The following TUBGCP6 variants were observed in gnomAD, a reference collection of about 807,000 sequenced individuals.
TUBGCP6 encodes tubulin gamma complex component 6.
In TUBGCP6, 161 loss-of-function variants were observed where a neutral mutation model predicts 175.8. That is an observed-to-expected ratio of 0.92 (90% CI 0.81 to 1.04). The LOEUF is 1.04. Among genes scored for constraint, TUBGCP6 ranks in the 50% least tolerant of loss-of-function variants. The pLI is 0.00. For missense variants in TUBGCP6, 2,572 were observed against 2,433.0 expected (o/e 1.06, Z -1.20); for synonymous variants, 1,173 against 1,030.5 (o/e 1.14, Z -2.65).
chr22:50,221,369 G>A lies in TUBGCP6; in HGVS notation c.2990C>T (p.Ser997Phe). Reference protein sequence around the residue: ...DSCGKMDACGSASRETLLPSH... With the variant: ...DSCGKMDACGFASRETLLPSH... ...GGGGAGCAGAGTCTCCCGCGAGGCG[G>A]AGCCACAGGCATCCATCTTCCCACA... is the stretch of plus-strand genomic sequence containing the variant. The change falls in exon 16 of 25, where the codon TCC becomes TTC. Residue 997 changes from serine to phenylalanine, a missense_variant. Physicochemically the swap from Ser to Phe is radical, Grantham distance 155. Coordinates refer to ENST00000248846, the MANE Select transcript of TUBGCP6 (RefSeq NM_020461.4). The A allele has an allele frequency of 6.2e-7, 1 of 1,610,658 alleles. No individual in the cohort carries two copies.
chr22:50,224,080 G>T, intron 13 of TUBGCP6, 61 bp downstream of exon 13: 1 of 1,446,822 alleles, frequency 6.9e-7, no homozygotes, highest in Non-Finnish European at 9.6e-7. Context: ...GTAAGATTAA[G>T]CCAGAGCTAT....
intron 2 of TUBGCP6, among the ~76,000 whole-genome samples, chr22:50,237,269 T>G (rs73187275): frequency 0.031 from 4,702 of 152,306 alleles, 97 homozygotes; most frequent in Non-Finnish European, 0.045. Context: ...AGGGTTGATG[T>G]CTTGGAGAGT....
chr22:50,233,945 G>A lies in TUBGCP6; in HGVS notation c.906-419C>T, dbSNP rs2064726828. ...ACAACAGCATCTACACCCTGTCCAT[G>A]GCAGCATCCACACCCAGGTCCATGG... On this transcript the variant is annotated intron_variant, in intron 2 of 24. Transcript: ENST00000248846. 2.0e-5 allele frequency among the ~76,000 whole-genome samples: 3 copies of A among 151,908 alleles called. No individual in the cohort carries two copies. In the South Asian group the frequency reaches 6.2e-4, roughly 32 times the overall value.
chr22:50,219,748 GCCT>G lies in TUBGCP6; in HGVS notation c.4208_4210del (p.Glu1403del), dbSNP rs2064484534. On this transcript the variant is annotated inframe_deletion, in exon 18 of 25. Coordinates refer to ENST00000248846, the MANE Select transcript of TUBGCP6 (RefSeq NM_020461.4). ...CTGAGCCTCCGCCGCCGATGCCTCC[GCCT>G]CCTCACCACGGCCTGGGCTGCTCTG... is the stretch of plus-strand genomic sequence containing the variant. The G allele has an allele frequency of 1.2e-6, 2 of 1,613,610 alleles. No individual in the cohort carries two copies. Among genetic ancestry groups the G allele is most frequent in the African/African-American group, 1.3e-5 (1 of 74,928 alleles).
intron 14 of TUBGCP6, 129 bp downstream of exon 14, chr22:50,222,325 T>G (rs1272131906): frequency 7.2e-7 from 1 of 1,397,254 alleles, no homozygotes; most frequent in Non-Finnish European, 9.8e-7. Flanking sequence ...GGAGAGAGAG[T>G]GCTCTGCCGC....
chr22:50,219,363 G>C lies in TUBGCP6; in HGVS notation c.4409C>G (p.Thr1470Ser), dbSNP rs2064475122. The C allele has an allele frequency of 6.3e-7, 1 of 1,587,964 alleles. No homozygotes were observed. Among genetic ancestry groups the C allele is most frequent in the East Asian group, 2.3e-5 (1 of 44,020 alleles). ...CAGCAACTCGCTCAGCTGCACAGCA[G>C]TCTCATCAGCGGCAGACTGGACCTG... ...DPQVQSAADE[T>S]AVQLSELLTL... Residue 1470 changes from threonine to serine, a missense_variant, in exon 19 of 25, where the codon ACT (threonine) becomes AGT (serine). Transcript: ENST00000248846.
intron 4 of TUBGCP6, among the ~76,000 whole-genome samples, chr22:50,228,943 T>C (rs1230897074): frequency 6.6e-6 from 1 of 152,126 alleles, no homozygotes; most frequent in East Asian, 1.9e-4. Context: ...CCCTGTCCCA[T>C]GGGCCTCTTC....
At chr22:50,232,379 AAAAAGAAAAAGAAAAAG>A (rs2064704988) in intron 3 of TUBGCP6, among the ~76,000 whole-genome samples, 1 of 11,558 alleles carries the variant, frequency 8.7e-5, no homozygotes, top group East Asian at 3.6e-3. Context: ...AAAAAAAAAG[AAAAAGAAAAAGAAAAAG>A]AAAAGAAAAA....
In TUBGCP6 at chr22:50,224,394, A is replaced by G. The variant is rs1212136965; in HGVS notation, c.2092T>C (p.Leu698=). The G allele has an allele frequency of 6.2e-7, 1 of 1,614,046 alleles. No individual in the cohort carries two copies. Among genetic ancestry groups the G allele is most frequent in the Non-Finnish European group, 8.5e-7 (1 of 1,180,020 alleles). ...AACTGCTCACGCTTCCGGGCATCCA[A>G]GGCCATCCGTTCTGACATCTGCCGG... ...SDRQMSERMA[L]DARKREQFQR... The change falls in exon 12 of 25, where the codon TTG becomes CTG. Residue 698 remains leucine (L), a synonymous_variant. Coordinates refer to ENST00000248846, the MANE Select transcript of TUBGCP6 (RefSeq NM_020461.4).
rs751346612 is a variant in TUBGCP6, at chr22:50,220,457, G to A, written c.3902C>T (p.Thr1301Met). 1.8e-5 allele frequency: 29 copies of A among 1,612,620 alleles called. No homozygotes were observed. The Middle Eastern group carries it at 4.9e-4, about 27-fold the overall frequency. ...PRPQQSPPGHTSQSALSLGAQ... is the reference protein window; with the variant it reads ...PRPQQSPPGHMSQSALSLGAQ... ...TCCCAGGCTGAGCGCTGACTGGGAC[G>A]TGTGGCCAGGGGGGCTCTGTTGGGG... Residue 1301 changes from threonine (T) to methionine (M), a missense_variant, in exon 16 of 25, where the codon ACG becomes ATG. By Grantham distance (81) the Thr-to-Met change is moderately conservative. Transcript: ENST00000248846.
At chr22:50,239,114 A>G (rs1314961562) in intron 2 of TUBGCP6, among the ~76,000 whole-genome samples, 1 of 152,236 alleles carries the variant, frequency 6.6e-6, no homozygotes, top group African/African-American at 2.4e-5. Flanking sequence ...CAGGATCACC[A>G]GTGGACTGGA....
rs374811995 is a variant in TUBGCP6, at chr22:50,217,725, G to C, written c.*11C>G. 9 of 1,613,002 alleles carry C rather than the reference G, an allele frequency of 5.6e-6. No individual in the cohort carries two copies. The Admixed American group carries it at 6.7e-5, about 12-fold the overall frequency. On this transcript the variant is annotated 3_prime_UTR_variant, in exon 25 of 25. Coordinates refer to ENST00000248846, the MANE Select transcript of TUBGCP6 (RefSeq NM_020461.4). ...AACACCTTTATTGTGCACGTCCCCC[G>C]CAGAGCAGCCTCAGGCGTCCTGGTA...
At position 50,220,771 on chromosome 22, in the gene TUBGCP6, G is replaced by C. The variant is rs1429868002; in HGVS notation, c.3588C>G (p.Ile1196Met). The change falls in exon 16 of 25, where the codon ATC becomes ATG. Residue 1196 changes from isoleucine to methionine, a missense_variant. Coordinates refer to ENST00000248846, the MANE Select transcript of TUBGCP6 (RefSeq NM_020461.4). ...TGTCTGACACAGACTCCCCCAAGCTGATGCTGGCATCAGACACGTGTCCAT... is the reference window on the plus strand; with the variant it reads ...TGTCTGACACAGACTCCCCCAAGCTCATGCTGGCATCAGACACGTGTCCAT... Reference protein sequence around the residue: ...NTHGHVSDASISLGESVSDMA... With the variant: ...NTHGHVSDASMSLGESVSDMA... The C allele has an allele frequency of 1.2e-6, 2 of 1,603,362 alleles. No individual in the cohort carries two copies. The highest frequency in any genetic ancestry group is 1.7e-6 in the Non-Finnish European group (2 of 1,177,024).
chr22:50,243,357 G>A (rs759388582), intron 1 of TUBGCP6, among the ~76,000 whole-genome samples: 30 of 151,884 alleles, frequency 2.0e-4, no homozygotes, highest in Non-Finnish European at 2.6e-4. Flanking sequence ...GGAGGCTGAG[G>A]TAGGAGAATC....
chr22:50,226,654 GTGTC>G (rs1318042771), intron 7 of TUBGCP6, 75 bp downstream of exon 7: 2 of 1,238,342 alleles, frequency 1.6e-6, no homozygotes, highest in African/African-American at 3.0e-5. Context: ...CATTCAGCAG[GTGTC>G]TGACAAGGGA....
intron 3 of TUBGCP6, among the ~76,000 whole-genome samples, chr22:50,231,166 G>A (rs900867377): frequency 6.8e-6 from 1 of 147,426 alleles, no homozygotes; most frequent in African/African-American, 2.5e-5. Context: ...AATAAATACA[G>A]AGTAGGCCAA....
In TUBGCP6 at chr22:50,219,230, TCAGGGCGGGC is replaced by T. The variant is rs778984429; in HGVS notation, c.4485-31_4485-22del. 122 of 1,610,610 alleles carry T rather than the reference TCAGGGCGGGC, an allele frequency of 7.6e-5. No individual in the cohort carries two copies. The East Asian group carries it at 8.7e-4, about 11-fold the overall frequency. ...AGATGCTGGCAGGAGGGAGCTGGAG[TCAGGGCGGGC>T]CAGGACGGGCTGGGTGGGCAGACTG... is the stretch of plus-strand genomic sequence containing the variant. On this transcript the variant is annotated intron_variant, in intron 19 of 24. Coordinates refer to ENST00000248846, the MANE Select transcript of TUBGCP6 (RefSeq NM_020461.4).
chr22:50,229,600 G>A (rs559667983), intron 3 of TUBGCP6, 23 bp from the exon 4 acceptor site: 3 of 1,564,234 alleles, frequency 1.9e-6, no homozygotes, highest in Non-Finnish European at 1.7e-6. Context: ...AGAGGACACT[G>A]GTCACAGAGG....
rs2064437980 is a variant in TUBGCP6, at chr22:50,217,719, T to C, written c.*17A>G. The C allele has an allele frequency of 1.9e-6, 3 of 1,611,680 alleles. No homozygotes were observed. The African/African-American group carries it at 4.0e-5, about 22-fold the overall frequency. ...TCCGAGAACACCTTTATTGTGCACG[T>C]CCCCCGCAGAGCAGCCTCAGGCGTC... On this transcript the variant is annotated 3_prime_UTR_variant, in exon 25 of 25. Transcript: ENST00000248846.
Sources: gnomAD v4.1 joint callset for allele counts (sites outside exome capture counted in the v4.1 genomes callset) on GRCh38, gnomAD v4.1.1 for gene constraint, MANE v1.5 for transcripts, NCBI Gene and HGNC (gene_info 2026-07-23, HGNC 2026-07-21) for gene names.